MGAT4C: variants seen among roughly 807,000 people sequenced by gnomAD.
The protein encoded by MGAT4C is MGAT4 family member C, also known as alpha-1,3-mannosyl-glycoprotein 4-beta-N-acetylglucosaminyltransferase C.
MGAT4C carries 19 observed loss-of-function variants against 40.1 expected under a neutral mutation model. The ratio of observed to expected loss-of-function variants is 0.47; its 90% CI spans 0.33 to 0.70. The LOEUF (loss-of-function observed/expected upper bound fraction) is 0.70, where lower values mean the gene tolerates loss of function less well. Among genes scored for constraint, MGAT4C ranks in the 30% least tolerant of loss-of-function variants. The pLI is 0.02. For synonymous variants in MGAT4C, 181 were observed against 187.1 expected (o/e 0.97, Z 0.27); for missense variants, 491 against 563.2 (o/e 0.87, Z 1.30).
intron 3 of MGAT4C, among the ~76,000 whole-genome samples, chr12:86,409,031 A>G (rs1956548728): frequency 6.6e-6 from 1 of 152,104 alleles, no homozygotes; most frequent in Admixed American, 6.6e-5. Flanking sequence ...GGGGTAGCGT[A>G]GTAAGGAAAC....
rs139887858 is a variant in MGAT4C at position 86,497,265 on chromosome 12, C to A, written c.-228-62000G>T. ...CTAAGAAAATAATCCAAAGAATTAA[C>A]CAGTGATAAATTAGGCTCTTTGGAG... On this transcript the variant is annotated intron_variant, in intron 2 of 7. Coordinates refer to the MGAT4C transcript ENST00000548651. Among the ~76,000 whole-genome samples, 512 of 151,896 alleles carry A rather than the reference C, an allele frequency of 3.4e-3. 3 individuals carry two copies. Among genetic ancestry groups the A allele is most frequent in the African/African-American group, 0.01 (434 of 41,468 alleles).
rs1000614946 is a variant in MGAT4C at position 85,968,391 on chromosome 12, C to T, written c.*10898G>A. On this transcript the variant is annotated 3_prime_UTR_variant, in exon 5 of 5. Transcript: ENST00000611864. ...AATTAATAAGGTGCATATGTCAAGA[C>T]TCAGGAAAACAGATCACTTACGTAG... 5 of 151,900 alleles carry T rather than the reference C, an allele frequency of 3.3e-5. No homozygotes were observed. The highest frequency in any genetic ancestry group is 3.3e-4 in the Admixed American group (5 of 15,206). The allele number at this position is 151,900 out of a possible 1,614,324, so 9.4% of individuals were successfully genotyped here.
intron 2 of MGAT4C, among the ~76,000 whole-genome samples, chr12:86,669,652 G>A (rs1319387346): frequency 6.6e-6 from 1 of 152,214 alleles, no homozygotes; most frequent in Admixed American, 6.5e-5. Context: ...GGGACCTGTA[G>A]GCAGACCTGG....
chr12:86,491,162 C>A (rs1192632432), intron 2 of MGAT4C, among the ~76,000 whole-genome samples: 1 of 152,034 alleles, frequency 6.6e-6, no homozygotes, highest in Non-Finnish European at 1.5e-5. Context: ...AATAGCTTAC[C>A]AACCAAAAAG....
At chr12:86,695,006 G>A (rs897876318) in intron 2 of MGAT4C, among the ~76,000 whole-genome samples, 3 of 152,142 alleles carry the variant, frequency 2.0e-5, no homozygotes, top group African/African-American at 7.2e-5. Context: ...GGAAATATTT[G>A]CAAACTACCT....
chr12:86,811,395 T>A (rs1952471678), intron 1 of MGAT4C, among the ~76,000 whole-genome samples: 2 of 144,376 alleles, frequency 1.4e-5, no homozygotes, highest in South Asian at 4.4e-4. Flanking sequence ...CAGGCTGGAG[T>A]GTAGTGGCAC....
intron 4 of MGAT4C, among the ~76,000 whole-genome samples, chr12:86,329,631 C>T (rs1337724204): frequency 6.6e-6 from 1 of 152,092 alleles, no homozygotes; most frequent in African/African-American, 2.4e-5. Context: ...TTGCTGCTTC[C>T]CTCAGCTGAA....
chr12:86,399,073 C>T (rs150892606), intron 3 of MGAT4C, among the ~76,000 whole-genome samples: 10,283 of 152,214 alleles, frequency 0.068, 820 homozygotes, highest in East Asian at 0.23. Context: ...CGGATTCAAG[C>T]GATTCTCCTG....
chr12:86,628,982 C>T (rs560168218), intron 2 of MGAT4C, among the ~76,000 whole-genome samples: 101 of 151,792 alleles, frequency 6.7e-4, no homozygotes, highest in African/African-American at 2.3e-3. Context: ...CCCATCAGCG[C>T]TATTAGTGCG....
At chr12:86,199,726 A>C (rs1949966418) in intron 1 of MGAT4C, among the ~76,000 whole-genome samples, 1 of 152,186 alleles carries the variant, frequency 6.6e-6, no homozygotes. Flanking sequence ...TGAAGTACAT[A>C]ATGTAAATAT....
rs543105821 is a variant in MGAT4C, at chr12:86,471,763, T to C, written c.-228-36498A>G. Among the ~76,000 whole-genome samples the C allele has an allele frequency of 1.2e-4, 18 of 152,134 alleles. No homozygotes were observed. The South Asian group carries it at 2.3e-3, about 19-fold the overall frequency. On this transcript the variant is annotated intron_variant, in intron 2 of 7. Coordinates refer to the MGAT4C transcript ENST00000548651. ...GAAGCTGAATTGGGTAGACAGTAAA[T>C]TACAATGAACAAATAGAATACTGCC...
At chr12:86,201,805 T>A (rs541524513) in intron 1 of MGAT4C, among the ~76,000 whole-genome samples, 1 of 152,050 alleles carries the variant, frequency 6.6e-6, no homozygotes, top group Non-Finnish European at 1.5e-5. Context: ...TGTCTTGCCA[T>A]AGACCTTCTT....
chr12:86,645,127 C>T (rs748695958), intron 2 of MGAT4C, among the ~76,000 whole-genome samples: 39 of 151,272 alleles, frequency 2.6e-4, no homozygotes, highest in Non-Finnish European at 3.7e-4. Flanking sequence ...TTAAAATAGT[C>T]TGTGTTCATA....
chr12:85,982,041 A>G (rs1050536225), intron 4 of MGAT4C, among the ~76,000 whole-genome samples: 14 of 152,358 alleles, frequency 9.2e-5, no homozygotes, highest in Admixed American at 6.5e-4. Flanking sequence ...AATTAATTTA[A>G]TAATTTCCTC....
intron 1 of MGAT4C, among the ~76,000 whole-genome samples, chr12:86,172,947 C>T (rs1442433628): frequency 6.6e-6 from 1 of 151,984 alleles, no homozygotes; most frequent in African/African-American, 2.4e-5. Flanking sequence ...ATTATAGAGT[C>T]ATTACATTTT....
intron 2 of MGAT4C, among the ~76,000 whole-genome samples, chr12:86,048,251 C>T (rs1262138184): frequency 6.6e-6 from 1 of 151,944 alleles, no homozygotes. Flanking sequence ...TAAGTGGGGG[C>T]TAAACACTGA....
intron 1 of MGAT4C, among the ~76,000 whole-genome samples, chr12:86,766,936 C>A (rs1437099908): frequency 6.6e-6 from 1 of 152,030 alleles, no homozygotes; most frequent in Admixed American, 6.6e-5. Context: ...AAAATTGACA[C>A]CCTAACATCA....
Position 86,713,939 on chromosome 12 carries a change from G to A in MGAT4C, c.-229+13270C>T, listed in dbSNP as rs56977954. On this transcript the variant is annotated intron_variant, in intron 2 of 7. Coordinates refer to the MGAT4C transcript ENST00000548651. The stretch of plus-strand genomic sequence containing the variant: ...ATTATATTGGCCTGTGATGTAGACA[G>A]GTATGCTAGAAGCATATTAGAAAAT... 3.3e-3 allele frequency among the ~76,000 whole-genome samples: 495 copies of A among 152,016 alleles called. 3 individuals carry two copies. The highest frequency in any genetic ancestry group is 0.012 in the African/African-American group (482 of 41,350).
chr12:86,374,138 C>A lies in MGAT4C; in HGVS notation c.-119-40011G>T. 1.3e-5 allele frequency among the ~76,000 whole-genome samples: 2 copies of A among 151,798 alleles called. 1 individual carries two copies. Among genetic ancestry groups the A allele is most frequent in the East Asian group, 3.9e-4 (2 of 5,176 alleles). ...ATGGTAGAAAAGTCATGAGCAAAAA[C>A]AGACATGAAAAAAATGAGAGATGTG... is the stretch of plus-strand genomic sequence containing the variant. On this transcript the variant is annotated intron_variant, in intron 3 of 7. Transcript: ENST00000548651.
Sources: allele counts gnomAD v4.1 joint callset (sites outside exome capture counted in the v4.1 genomes callset), GRCh38; gene constraint gnomAD v4.1.1; transcripts MANE v1.5; gene names NCBI Gene and HGNC (gene_info 2026-07-23, HGNC 2026-07-21).